THSD4: variants seen among roughly 807,000 people sequenced by gnomAD.
The protein encoded by THSD4 is thrombospondin type 1 domain containing 4.
In THSD4, 69 loss-of-function variants were observed where a neutral mutation model predicts 119.0. That is an observed-to-expected ratio of 0.58 (90% CI 0.48 to 0.71). The LOEUF (loss-of-function observed/expected upper bound fraction) is 0.71, where lower values mean the gene tolerates loss of function less well. Ranked by LOEUF, THSD4 falls within the 30% of genes least tolerant of loss-of-function variation. THSD4 has a pLI of 0.00. For synonymous variants in THSD4, 524 were observed against 540.4 expected (o/e 0.97, Z 0.42); for missense variants, 1,393 against 1,391.1 (o/e 1.00, Z -0.02).
intron 14 of THSD4, among the ~76,000 whole-genome samples, chr15:71,755,943 A>T (rs2053531383): frequency 6.6e-6 from 1 of 151,942 alleles, no homozygotes; most frequent in African/African-American, 2.4e-5. Context: ...GACAGGGGCA[A>T]GGGCTCTGTG....
chr15:71,760,015 A>G (rs1486406808), intron 15 of THSD4, among the ~76,000 whole-genome samples: 1 of 152,192 alleles, frequency 6.6e-6, no homozygotes, highest in African/African-American at 2.4e-5. Flanking sequence ...AGAAAATGAA[A>G]TAAGAGCATG....
intron 6 of THSD4, among the ~76,000 whole-genome samples, chr15:71,321,465 G>A (rs112786475): frequency 0.014 from 2,092 of 152,276 alleles, 15 homozygotes; most frequent in Middle Eastern, 0.024. Context: ...GAACCTAGGA[G>A]ACAGAGGTTG....
Position 71,280,578 on chromosome 15 carries a change from CTTTA to C in THSD4, c.1015+23867_1015+23870del, listed in dbSNP as rs139278830. Among the ~76,000 whole-genome samples the C allele has an allele frequency of 1.4e-3, 206 of 152,150 alleles. 1 individual carries two copies. Among genetic ancestry groups the C allele is most frequent in the African/African-American group, 4.8e-3 (200 of 41,456 alleles). ...ACAGCAGCCAAATTCCTTGTTCATTCTTTATTTCTTTTCCTCATTCCCTCCCTCC... is the reference window on the plus strand; with the variant it reads ...ACAGCAGCCAAATTCCTTGTTCATTCTTTCTTTTCCTCATTCCCTCCCTCC... On this transcript the variant is annotated intron_variant, in intron 6 of 17. Coordinates refer to ENST00000261862, the MANE Select transcript of THSD4 (RefSeq NM_024817.3).
At chr15:71,659,413 C>T (rs2051255447) in intron 7 of THSD4, among the ~76,000 whole-genome samples, 1 of 152,038 alleles carries the variant, frequency 6.6e-6, no homozygotes, top group Non-Finnish European at 1.5e-5. Context: ...CCATTTTGTT[C>T]CAAAGTTTAA....
chr15:71,710,517 A>T (rs2052488660), intron 8 of THSD4, among the ~76,000 whole-genome samples: 1 of 152,196 alleles, frequency 6.6e-6, no homozygotes, highest in Admixed American at 6.5e-5. Context: ...AATGTGGTTG[A>T]CCCAGTGCCT....
At position 71,360,478 on chromosome 15, in the gene THSD4, T is replaced by C. The variant is rs74021965; in HGVS notation, c.1016-51209T>C. ...GGAAGAAATTGATGGTGGCCATCTT[T>C]ATAGGATAAAGACCCATAAATATTT... is the stretch of plus-strand genomic sequence containing the variant. On this transcript the variant is annotated intron_variant, in intron 6 of 17. Transcript: ENST00000261862. Among the ~76,000 whole-genome samples, 1,246 of 152,284 alleles carry C rather than the reference T, an allele frequency of 8.2e-3. 20 individuals are homozygous for C. Among genetic ancestry groups the C allele is most frequent in the African/African-American group, 0.029 (1,213 of 41,562 alleles).
At chr15:71,577,420 C>A (rs181125341) in intron 7 of THSD4, among the ~76,000 whole-genome samples, 11 of 152,312 alleles carry the variant, frequency 7.2e-5, no homozygotes, top group African/African-American at 2.4e-4. Context: ...GCTAAGGTCT[C>A]TAACTTTCTG....
At chr15:71,125,063 G>C (rs1229433054) in intron 1 of THSD4, among the ~76,000 whole-genome samples, 1 of 151,864 alleles carries the variant, frequency 6.6e-6, no homozygotes, top group Non-Finnish European at 1.5e-5. Context: ...GACAGAGTGA[G>C]ACCCAGCCAG....
At chr15:71,326,694 AAAAAAAATATATAT>A (rs1235480700) in intron 6 of THSD4, among the ~76,000 whole-genome samples, 12 of 12,416 alleles carry the variant, frequency 9.7e-4, no homozygotes, top group Admixed American at 1.5e-3. Context: ...AAAAAAAAAA[AAAAAAAATATATAT>A]ATATATATAT....
intron 6 of THSD4, among the ~76,000 whole-genome samples, chr15:71,328,412 C>T (rs2045374972): frequency 6.6e-6 from 1 of 152,210 alleles, no homozygotes; most frequent in South Asian, 2.1e-4. Flanking sequence ...TACAAGCAGT[C>T]ATTCAGGCCT....
intron 7 of THSD4, among the ~76,000 whole-genome samples, chr15:71,517,949 T>C (rs757126037): frequency 7.4e-4 from 113 of 152,336 alleles, no homozygotes; most frequent in Non-Finnish European, 8.1e-4. Context: ...AGGAAAGTGC[T>C]GTGTAGACAT....
At chr15:71,251,730 T>C (rs550558806) in intron 5 of THSD4, among the ~76,000 whole-genome samples, 1 of 152,258 alleles carries the variant, frequency 6.6e-6, no homozygotes, top group East Asian at 1.9e-4. Context: ...GTCCGTCTCC[T>C]GGGGAGATGA....
chr15:71,736,155 TGC>T (rs2141147175), intron 10 of THSD4, among the ~76,000 whole-genome samples: 2 of 97,078 alleles, frequency 2.1e-5, no homozygotes, highest in Admixed American at 1.1e-4. Context: ...CCGTCTCTCT[TGC>T]TCTCTGTCTC....
At chr15:71,317,715 G>A (rs2045208894) in intron 6 of THSD4, among the ~76,000 whole-genome samples, 1 of 152,106 alleles carries the variant, frequency 6.6e-6, no homozygotes, top group African/African-American at 2.4e-5. Flanking sequence ...CTGTGTAGGG[G>A]GACAGTGGGA....
intron 7 of THSD4, among the ~76,000 whole-genome samples, chr15:71,481,012 G>A (rs1189745957): frequency 1.3e-5 from 2 of 152,094 alleles, no homozygotes; most frequent in Non-Finnish European, 2.9e-5. Flanking sequence ...TAATTTTTAT[G>A]CCTGTGACCA....
intron 4 of THSD4, among the ~76,000 whole-genome samples, chr15:71,223,303 A>T (rs2140257335): frequency 6.6e-6 from 1 of 152,334 alleles, no homozygotes. Flanking sequence ...AGCCCTTTTC[A>T]AAGTGAAAGG....
rs60448462 is a variant in THSD4, at chr15:71,263,331, G to GTA, written c.1015+6631_1015+6632dup. Among the ~76,000 whole-genome samples the GTA allele has an allele frequency of 9.7e-3, 1,341 of 138,742 alleles. 35 individuals are homozygous for GTA. The highest frequency in any genetic ancestry group is 0.033 in the African/African-American group (1,224 of 37,482). The allele number at this position is 138,742 out of a possible 152,430, so 91.0% of individuals were successfully genotyped here. A position where few individuals can be genotyped will look rare whatever the true frequency, so the allele number is the denominator to read the frequency against. ...TTTTATGGCTGCATAGTATTCCATG[G>GTA]TATATATATATATATACGACATTTT... On this transcript the variant is annotated intron_variant, in intron 6 of 17. Transcript: ENST00000261862.
At chr15:71,110,220 G>A (rs1332825020) in intron 1 of THSD4, 1 of 152,214 alleles carries the variant, frequency 6.6e-6, no homozygotes, top group Non-Finnish European at 1.5e-5. Flanking sequence ...AGTCTCCCAG[G>A]AAGGAAAAGG....
chr15:71,184,532 C>G (rs2043577733), intron 3 of THSD4, among the ~76,000 whole-genome samples: 1 of 151,954 alleles, frequency 6.6e-6, no homozygotes, highest in East Asian at 1.9e-4. Flanking sequence ...CGTTTACCAT[C>G]TAAAGCAGAT....
Sources: gnomAD v4.1 joint callset for allele counts (sites outside exome capture counted in the v4.1 genomes callset) on GRCh38, gnomAD v4.1.1 for gene constraint, MANE v1.5 for transcripts, NCBI Gene and HGNC (gene_info 2026-07-23, HGNC 2026-07-21) for gene names.